Variants in MRPL39 observed in about 807,000 individuals in gnomAD.
MRPL39 encodes large ribosomal subunit protein mL39.
In MRPL39, 35 loss-of-function variants were observed where a neutral mutation model predicts 44.5. The observed-to-expected ratio is 0.79, with a 90% confidence interval of 0.60 to 1.04. The LOEUF is 1.04. MRPL39 is among the 50% of genes least tolerant of loss of function. The probability of loss-of-function intolerance (pLI) is 0.00; values close to 1 mark genes in which losing one functional copy is unlikely to be tolerated. For missense variants in MRPL39, 433 were observed against 413.5 expected (o/e 1.05, Z -0.41); for synonymous variants, 139 against 136.1 (o/e 1.02, Z -0.15).
At chr21:25,595,323 C>A (rs1456358492) in intron 6 of MRPL39, among the ~76,000 whole-genome samples, 2 of 152,140 alleles carry the variant, frequency 1.3e-5, no homozygotes, top group African/African-American at 4.8e-5. Flanking sequence ...CTCCTGTCCC[C>A]TGAGAGTCAA....
rs548423206 is a variant in MRPL39 at position 25,598,042 on chromosome 21, AAC to A, written c.589-630_589-629del. ...TTTCATACTGTAAATCATTACTAAT[AAC>A]ACAGAAAAAACCAAGCACTATTACA... is the stretch of plus-strand genomic sequence containing the variant. On this transcript the variant is annotated intron_variant, in intron 5 of 9. Coordinates refer to ENST00000352957, the MANE Select transcript of MRPL39 (RefSeq NM_017446.4). 6.6e-4 allele frequency among the ~76,000 whole-genome samples: 100 copies of A among 152,302 alleles called. 1 individual carries two copies. The highest frequency in any genetic ancestry group is 2.2e-3 in the African/African-American group (92 of 41,580).
chr21:25,595,900 T>C (rs1478850480), intron 6 of MRPL39, among the ~76,000 whole-genome samples: 1 of 152,222 alleles, frequency 6.6e-6, no homozygotes, highest in Non-Finnish European at 1.5e-5. Flanking sequence ...AATTTTCTTG[T>C]CGAATCAATG....
In MRPL39 at chr21:25,592,808, T is replaced by C; in HGVS notation, c.921+4A>G. 6.3e-7 allele frequency: 1 copy of C among 1,591,450 alleles called. No individual in the cohort carries two copies. The highest frequency in any genetic ancestry group is 8.6e-7 in the Non-Finnish European group (1 of 1,166,960). ...GAAGACCTAGAACTTTAAGCTTTACTTACTCTTAAGTGAACAGGTAAAGAC... is the reference window on the plus strand; with the variant it reads ...GAAGACCTAGAACTTTAAGCTTTACCTACTCTTAAGTGAACAGGTAAAGAC... On this transcript the variant is annotated splice_donor_region_variant and intron_variant, in intron 8 of 9. Transcript: ENST00000352957.
In MRPL39 at chr21:25,599,792, C is replaced by T. The variant is rs201989068; in HGVS notation, c.588+7G>A. The stretch of plus-strand genomic sequence containing the variant: ...CTAAAATTAATACTCCAGAAGAATA[C>T]ACTTACTTTTGTTGGCATCCACTCA... On this transcript the variant is annotated splice_region_variant and intron_variant, in intron 5 of 9. Transcript: ENST00000352957. 54 of 1,603,422 alleles carry T rather than the reference C, an allele frequency of 3.4e-5. No homozygotes were observed. The highest frequency in any genetic ancestry group is 1.7e-4 in the Middle Eastern group (1 of 6,036).
intron 9 of MRPL39, 22 bp downstream of exon 9, chr21:25,588,813 A>C (rs966781688): frequency 6.3e-7 from 1 of 1,598,132 alleles, no homozygotes; most frequent in Non-Finnish European, 8.6e-7. Context: ...AAGAGTACTC[A>C]ATAGCTGTCA....
At chr21:25,590,479 A>C (rs2031140903) in intron 8 of MRPL39, among the ~76,000 whole-genome samples, 1 of 152,148 alleles carries the variant, frequency 6.6e-6, no homozygotes, top group African/African-American at 2.4e-5. Flanking sequence ...CATGCAGCCC[A>C]TGGGCTGTGA....
At position 25,593,904 on chromosome 21, in the gene MRPL39, G is replaced by A. The variant is rs1447891622; in HGVS notation, c.756C>T (p.Val252=). ...AGACTTTTACTTACCTGTGTAGCTT[G>A]ACTATTCTCTCAGGGTTCTGAGATG... is the stretch of plus-strand genomic sequence containing the variant. ...EKASQNPERI[V]KLHRIGDFID... Residue 252 remains valine, a synonymous_variant, in exon 7 of 10, where the codon GTC becomes GTT. Transcript: ENST00000352957. 8.1e-6 allele frequency: 13 copies of A among 1,613,438 alleles called. No homozygotes were observed. Among genetic ancestry groups the A allele is most frequent in the Non-Finnish European group, 1.0e-5 (12 of 1,179,688 alleles).
chr21:25,607,609 G>C, upstream of MRPL39: 1 of 860,270 alleles, frequency 1.2e-6, no homozygotes, highest in Non-Finnish European at 1.8e-6. Context: ...ACCGGGGGGC[G>C]TCAGGCCTCG....
chr21:25,595,282 C>T (rs1601375143), intron 6 of MRPL39, among the ~76,000 whole-genome samples: 1 of 152,194 alleles, frequency 6.6e-6, no homozygotes, highest in African/African-American at 2.4e-5. Context: ...CCCTTGAATA[C>T]TTATCCCTCC....
At chr21:25,605,967 T>C (rs1030186035) in intron 2 of MRPL39, among the ~76,000 whole-genome samples, 3 of 152,088 alleles carry the variant, frequency 2.0e-5, no homozygotes, top group Admixed American at 1.3e-4. Flanking sequence ...TCTAGTACCA[T>C]AAACAAAGCC....
intron 3 of MRPL39, among the ~76,000 whole-genome samples, chr21:25,601,849 A>C (rs1271326839): frequency 6.6e-6 from 1 of 152,252 alleles, no homozygotes; most frequent in Non-Finnish European, 1.5e-5. Flanking sequence ...TCATTTATAA[A>C]TATGGAGAAA....
intron 3 of MRPL39, among the ~76,000 whole-genome samples, chr21:25,601,729 G>A (rs1487171906): frequency 1.3e-5 from 2 of 152,142 alleles, no homozygotes. Context: ...TATCAACCCC[G>A]ACAGATAGTT....
chr21:25,607,328 C>T (rs761080570), intron 1 of MRPL39, 75 bp downstream of exon 1: 68 of 1,545,038 alleles, frequency 4.4e-5, no homozygotes, highest in Non-Finnish European at 5.6e-5. Flanking sequence ...CCTCCCCGGC[C>T]CCGCCTCAGA....
chr21:25,592,633 A>G (rs1046987360), intron 8 of MRPL39, among the ~76,000 whole-genome samples, 179 bp downstream of exon 8: 1 of 152,158 alleles, frequency 6.6e-6, no homozygotes, highest in Non-Finnish European at 1.5e-5. Context: ...TTCTTTTGTA[A>G]TTGTATATTT....
chr21:25,593,523 A>G (rs2031248123), intron 7 of MRPL39, among the ~76,000 whole-genome samples: 1 of 152,240 alleles, frequency 6.6e-6, no homozygotes, highest in African/African-American at 2.4e-5. Flanking sequence ...GGCTTAACTT[A>G]CATGTATCTT....
intron 4 of MRPL39, among the ~76,000 whole-genome samples, chr21:25,600,846 G>A (rs1601380645): frequency 1.3e-5 from 2 of 152,136 alleles, no homozygotes; most frequent in Non-Finnish European, 1.5e-5. Flanking sequence ...GGTGGCTCAC[G>A]CCTGTAATCC....
chr21:25,591,364 C>T lies in MRPL39; in HGVS notation c.921+1448G>A, dbSNP rs1224062496. 2.6e-5 allele frequency among the ~76,000 whole-genome samples: 4 copies of T among 151,874 alleles called. No homozygotes were observed. The East Asian group carries it at 7.7e-4, about 29-fold the overall frequency. On this transcript the variant is annotated intron_variant, in intron 8 of 9. Transcript: ENST00000352957. ...GCTGCTCAGAGAATGAGAAAACAAG[C>T]CACATATACAAACACAAGGTACAGA...
intron 9 of MRPL39, 77 bp downstream of exon 9, chr21:25,588,758 C>T: frequency 7.7e-7 from 1 of 1,291,298 alleles, no homozygotes; most frequent in South Asian, 1.3e-5. Context: ...TTCATTTTTC[C>T]CCCCTTTGGT....
chr21:25,595,802 C>G (rs1228375847), intron 6 of MRPL39, among the ~76,000 whole-genome samples: 3 of 152,030 alleles, frequency 2.0e-5, no homozygotes, highest in Non-Finnish European at 1.5e-5. Context: ...TCAAATTATA[C>G]AGATGTCTCA....
Sources: gnomAD v4.1 joint callset for allele counts (sites outside exome capture counted in the v4.1 genomes callset) on GRCh38, gnomAD v4.1.1 for gene constraint, MANE v1.5 for transcripts, NCBI Gene and HGNC (gene_info 2026-07-23, HGNC 2026-07-21) for gene names.